SDK1: variants seen among roughly 807,000 people sequenced by gnomAD.
SDK1 encodes the protein protein sidekick-1.
In SDK1, 157 loss-of-function variants were observed where a neutral mutation model predicts 245.5. That is an observed-to-expected ratio of 0.64 (90% CI 0.56 to 0.73). The LOEUF (loss-of-function observed/expected upper bound fraction) is 0.73, where lower values mean the gene tolerates loss of function less well. SDK1 is among the 30% of genes least tolerant of loss of function. The probability of loss-of-function intolerance (pLI) is 0.00; values close to 1 mark genes in which losing one functional copy is unlikely to be tolerated. For synonymous variants in SDK1, 1,647 were observed against 1,278.5 expected, an observed-to-expected ratio of 1.29 and a Z score of -6.15; for missense variants, 3,583 against 3,002.3, an observed-to-expected ratio of 1.19 and a Z score of -4.52.
At chr7:3,655,117 G>T (rs1225325716) in intron 4 of SDK1, among the ~76,000 whole-genome samples, 1 of 147,064 alleles carries the variant, frequency 6.8e-6, no homozygotes, top group African/African-American at 2.5e-5. Flanking sequence ...TCACAATCAA[G>T]AGGCATTTTA....
At chr7:3,627,072 C>T (rs1419013441) in intron 2 of SDK1, among the ~76,000 whole-genome samples, 1 of 152,046 alleles carries the variant, frequency 6.6e-6, no homozygotes, top group African/African-American at 2.4e-5. Flanking sequence ...GGGGTACAGG[C>T]ACACACCACC....
intron 1 of SDK1, among the ~76,000 whole-genome samples, chr7:3,491,643 C>T (rs2141821): frequency 0.36 from 55,083 of 152,080 alleles, 10,316 homozygotes; most frequent in African/African-American, 0.46. Context: ...CTGAAGTCTT[C>T]TTGCAGTTAC....
At chr7:3,543,371 G>A (rs991556934) in intron 1 of SDK1, among the ~76,000 whole-genome samples, 1 of 152,260 alleles carries the variant, frequency 6.6e-6, no homozygotes, top group Admixed American at 6.5e-5. Context: ...TGAAGCCACA[G>A]ATGGCTAGAC....
At chr7:4,083,841 C>G (rs1227566535) in intron 22 of SDK1, among the ~76,000 whole-genome samples, 1 of 141,126 alleles carries the variant, frequency 7.1e-6, no homozygotes, top group Non-Finnish European at 1.5e-5. Context: ...CTCTCTCTCT[C>G]TGTCTGTCTC....
chr7:4,212,359 C>T (rs981175559), intron 38 of SDK1, among the ~76,000 whole-genome samples: 1 of 151,990 alleles, frequency 6.6e-6, no homozygotes, highest in Non-Finnish European at 1.5e-5. Context: ...GAGCCCAATA[C>T]TTTTGTATCA....
intron 38 of SDK1, among the ~76,000 whole-genome samples, chr7:4,218,306 T>A (rs1784948553): frequency 6.6e-6 from 1 of 151,934 alleles, no homozygotes; most frequent in African/African-American, 2.4e-5. Flanking sequence ...GGCAGGAGAA[T>A]CGCTTGAACT....
chr7:4,268,546 C>A lies in SDK1; in HGVS notation c.*3162C>A. ...CACACACGGAACGCGCCTCCACAGCCCCGGGAGGTGGCTCACTCTGTACAG... is the reference window on the plus strand; with the variant it reads ...CACACACGGAACGCGCCTCCACAGCACCGGGAGGTGGCTCACTCTGTACAG... On this transcript the variant is annotated 3_prime_UTR_variant, in exon 45 of 45. Coordinates refer to ENST00000404826, the MANE Select transcript of SDK1 (RefSeq NM_152744.4). 7.8e-7 allele frequency: 1 copy of A among 1,288,536 alleles called. No homozygotes were observed. The highest frequency in any genetic ancestry group is 1.0e-6 in the Non-Finnish European group (1 of 980,504). The allele number at this position is 1,288,536 out of a possible 1,614,324, so 79.8% of individuals were successfully genotyped here. A position where few individuals can be genotyped will look rare whatever the true frequency, so the allele number is the denominator to read the frequency against.
chr7:3,709,763 G>GCCTAGGTACTT (rs1318425764), intron 4 of SDK1, among the ~76,000 whole-genome samples: 1 of 151,930 alleles, frequency 6.6e-6, no homozygotes, highest in African/African-American at 2.4e-5. Flanking sequence ...TGAAACATTT[G>GCCTAGGTACTT]CCTAGGTACT....
At chr7:3,620,450 G>A (rs557061098) in intron 2 of SDK1, among the ~76,000 whole-genome samples, 1 of 152,152 alleles carries the variant, frequency 6.6e-6, no homozygotes, top group Non-Finnish European at 1.5e-5. Context: ...CTACAGGCGT[G>A]AGCCACCACA....
At chr7:3,541,118 G>A (rs369815015) in intron 1 of SDK1, among the ~76,000 whole-genome samples, 2 of 152,338 alleles carry the variant, frequency 1.3e-5, no homozygotes, top group South Asian at 2.1e-4. Flanking sequence ...GGTGATACAT[G>A]CATTCTGATT....
intron 1 of SDK1, among the ~76,000 whole-genome samples, chr7:3,375,253 G>T (rs1781325923): frequency 6.6e-6 from 1 of 152,046 alleles, no homozygotes; most frequent in African/African-American, 2.4e-5. Context: ...GCCTTTACAT[G>T]TCACAAACTT....
At chr7:3,801,044 A>G (rs112164369) in intron 4 of SDK1, among the ~76,000 whole-genome samples, 4 of 152,270 alleles carry the variant, frequency 2.6e-5, no homozygotes, top group African/African-American at 7.2e-5. Flanking sequence ...TTTTTGGCAA[A>G]TTCCTTTCAT....
chr7:3,576,612 G>A (rs774440524), intron 1 of SDK1, among the ~76,000 whole-genome samples: 5 of 152,016 alleles, frequency 3.3e-5, no homozygotes, highest in Admixed American at 6.5e-5. Context: ...CTAGAAAAAT[G>A]TAAGTCATAA....
chr7:4,010,913 T>A (rs1460356052), intron 14 of SDK1, 53 bp from the exon 15 acceptor site: 1 of 1,588,434 alleles, frequency 6.3e-7, no homozygotes, highest in African/African-American at 1.3e-5. Context: ...CACCTCTTAT[T>A]ATTCAGACAT....
intron 30 of SDK1, among the ~76,000 whole-genome samples, chr7:4,158,059 A>G (rs1210137319): frequency 2.0e-5 from 3 of 152,138 alleles, no homozygotes; most frequent in Non-Finnish European, 2.9e-5. Context: ...TGATGTGCCG[A>G]CTAGAGTGCA....
At chr7:3,576,349 G>C (rs1780290401) in intron 1 of SDK1, among the ~76,000 whole-genome samples, 1 of 152,214 alleles carries the variant, frequency 6.6e-6, no homozygotes, top group Non-Finnish European at 1.5e-5. Context: ...GTGTGACTCT[G>C]AGCTAGGTGG....
intron 14 of SDK1, among the ~76,000 whole-genome samples, chr7:3,992,543 G>A (rs894412294): frequency 1.3e-5 from 2 of 152,194 alleles, no homozygotes; most frequent in Non-Finnish European, 2.9e-5. Context: ...TTGATGGCTT[G>A]ACAGTGGGGA....
Position 3,853,639 on chromosome 7 carries a change from C to T in SDK1, c.847+32056C>T, listed in dbSNP as rs537822916. 8.9e-4 allele frequency among the ~76,000 whole-genome samples: 136 copies of T among 152,096 alleles called. 1 individual carries two copies. The highest frequency in any genetic ancestry group is 3.3e-3 in the African/African-American group (136 of 41,488). ...CACCCCTAATCTGGAAATCCAAAAT[C>T]CCAAATCTGAGATGCCCCAGTGAGC... On this transcript the variant is annotated intron_variant, in intron 5 of 44. Transcript: ENST00000404826.
At position 4,010,968 on chromosome 7, in the gene SDK1, T is replaced by A. The variant is rs757313911; in HGVS notation, c.2134T>A (p.Ser712Thr). The change falls in exon 15 of 45, where the codon TCT (serine) becomes ACT (threonine). Residue 712 changes from serine to threonine, a missense_variant and splice_region_variant. Transcript: ENST00000404826. ...YYIVELSENN[S>T]PWKVHLSNVG... is the part of the protein sequence containing the mutation. ...ATTCGTTTTCTTCATTCTTTCAGACTCTCCATGGAAGGTGCATCTGTCAAA... is the reference window on the plus strand; with the variant it reads ...ATTCGTTTTCTTCATTCTTTCAGACACTCCATGGAAGGTGCATCTGTCAAA... The A allele has an allele frequency of 3.7e-6, 6 of 1,613,994 alleles. No individual in the cohort carries two copies. The highest frequency in any genetic ancestry group is 4.2e-6 in the Non-Finnish European group (5 of 1,179,986).
Sources: allele counts gnomAD v4.1 joint callset (sites outside exome capture counted in the v4.1 genomes callset), GRCh38; gene constraint gnomAD v4.1.1; transcripts MANE v1.5; gene names NCBI Gene and HGNC (gene_info 2026-07-23, HGNC 2026-07-21).